Variants in CTNND2 observed in about 807,000 individuals in gnomAD.
CTNND2 encodes catenin delta 2, also known as catenin delta-2.
A neutral mutation model predicts 144.4 loss-of-function variants in CTNND2; 22 were observed. The ratio of observed to expected loss-of-function variants is 0.15; its 90% CI spans 0.11 to 0.22. The LOEUF (loss-of-function observed/expected upper bound fraction) is 0.22. Ranked by LOEUF, CTNND2 falls within the 10% of genes least tolerant of loss-of-function variation. The probability of loss-of-function intolerance (pLI) is 1.00; values close to 1 mark genes in which losing one functional copy is unlikely to be tolerated. For missense variants in CTNND2, 1,353 were observed against 1,618.8 expected, an observed-to-expected ratio of 0.84 and a Z score of 2.82; for synonymous variants, 751 against 695.6, an observed-to-expected ratio of 1.08 and a Z score of -1.25.
In CTNND2 at chr5:11,311,573, C is replaced by T. The variant is rs73055794; in HGVS notation, c.1628+34799G>A. ...CCCACAGGCACTCACACTCCCCATG[C>T]ACCCTCAACCCACACATACATACTC... On this transcript the variant is annotated intron_variant, in intron 9 of 21. Coordinates refer to ENST00000304623, the MANE Select transcript of CTNND2 (RefSeq NM_001332.4). Among the ~76,000 whole-genome samples, 647 of 147,846 alleles carry T rather than the reference C, an allele frequency of 4.4e-3. 4 individuals carry two copies. The highest frequency in any genetic ancestry group is 0.016 in the African/African-American group (621 of 39,928).
intron 1 of CTNND2, among the ~76,000 whole-genome samples, chr5:11,884,919 A>T (rs1277980166): frequency 6.9e-6 from 1 of 144,204 alleles, no homozygotes; most frequent in African/African-American, 2.4e-5. Flanking sequence ...TGAGATAATC[A>T]TATAGTGTTT....
At position 11,904,224 on chromosome 5, in the gene CTNND2, G is replaced by C. The variant is rs1472133112; in HGVS notation, c.-371C>G. ...GCTCCGCTCAGCCGGCTGTCGCCGCGGGCGCGAGCCTGGGGCCGCCGCGGC... is the reference window on the plus strand; with the variant it reads ...GCTCCGCTCAGCCGGCTGTCGCCGCCGGCGCGAGCCTGGGGCCGCCGCGGC... On this transcript the variant is annotated 5_prime_UTR_variant, in exon 1 of 22. Coordinates refer to ENST00000304623, the MANE Select transcript of CTNND2 (RefSeq NM_001332.4). This position sits in a 1 kb window ranked among gnomAD's most constrained non-coding sequence, Gnocchi z 4.2. Among the ~76,000 whole-genome samples the C allele has an allele frequency of 1.4e-5, 2 of 145,030 alleles. No individual in the cohort carries two copies. The highest frequency in any genetic ancestry group is 3.1e-5 in the Non-Finnish European group (2 of 65,410).
intron 9 of CTNND2, among the ~76,000 whole-genome samples, chr5:11,322,593 T>C (rs1752143416): frequency 6.6e-6 from 1 of 152,210 alleles, no homozygotes; most frequent in Non-Finnish European, 1.5e-5. Context: ...TGTTCTATAA[T>C]ATATATTTTG....
chr5:11,290,421 T>C (rs1269192159), intron 9 of CTNND2, among the ~76,000 whole-genome samples: 1 of 152,220 alleles, frequency 6.6e-6, no homozygotes, highest in Admixed American at 6.5e-5. Context: ...GTGCATTTTG[T>C]ACCCACTTTC....
chr5:11,262,820 T>TTG (rs1745047335), intron 9 of CTNND2, among the ~76,000 whole-genome samples: 1 of 146,754 alleles, frequency 6.8e-6, no homozygotes, highest in Admixed American at 6.8e-5. Flanking sequence ...TTTGTTGAAA[T>TTG]TGTGTTCTTT....
intron 2 of CTNND2, among the ~76,000 whole-genome samples, chr5:11,594,359 G>C (rs1327445569): frequency 6.6e-6 from 1 of 152,094 alleles, no homozygotes; most frequent in African/African-American, 2.4e-5. Flanking sequence ...AAATTTTTCT[G>C]TATGTATATT....
intron 9 of CTNND2, among the ~76,000 whole-genome samples, chr5:11,343,072 T>C (rs1754429652): frequency 1.3e-5 from 2 of 152,326 alleles, no homozygotes; most frequent in South Asian, 4.1e-4. Flanking sequence ...GACATTTCTG[T>C]GGGTTTTCTG....
chr5:11,417,345 A>G (rs1360366622), intron 3 of CTNND2, among the ~76,000 whole-genome samples: 1 of 152,188 alleles, frequency 6.6e-6, no homozygotes, highest in African/African-American at 2.4e-5. Flanking sequence ...TATGTGACTA[A>G]AAAACTCCTA....
chr5:11,310,109 T>C (rs1036566169), intron 9 of CTNND2, among the ~76,000 whole-genome samples: 10 of 152,168 alleles, frequency 6.6e-5, no homozygotes, highest in Admixed American at 2.0e-4. Context: ...TGGACTAATA[T>C]ACTATCTACA....
rs1758859634 is a variant in CTNND2, at chr5:11,384,677, C to T, written c.1165G>A (p.Gly389Ser). The T allele has an allele frequency of 1.9e-6, 3 of 1,602,962 alleles. No homozygotes were observed. The highest frequency in any genetic ancestry group is 1.3e-5 in the African/African-American group (1 of 74,724). ...LYATATLQRP[G>S]SLAAGSRASY... ...AGCGAGCCTTTACCTGCCAGGCTGC[C>T]CGGCCTCTGGAGGGTGGCCGTGGCA... The change falls in exon 7 of 22, where the codon GGC becomes AGC. Residue 389 changes from glycine (G) to serine (S), a missense_variant. Physicochemically the swap from Gly to Ser is moderately conservative, Grantham distance 56. Transcript: ENST00000304623. This position sits in a 1 kb window ranked among gnomAD's most constrained non-coding sequence, Gnocchi z 5.2.
intron 3 of CTNND2, among the ~76,000 whole-genome samples, chr5:11,545,263 A>G (rs536247150): frequency 3.6e-4 from 54 of 152,034 alleles, no homozygotes; most frequent in African/African-American, 1.3e-3. Context: ...CGGAGGTTGA[A>G]GTGACCTGAG....
intron 14 of CTNND2, among the ~76,000 whole-genome samples, chr5:11,109,812 ATTATC>A (rs1752775634): frequency 1.3e-5 from 2 of 151,738 alleles, no homozygotes; most frequent in African/African-American, 2.4e-5. Context: ...GGAATCAATC[ATTATC>A]TTCTCTTGGA....
At chr5:11,385,814 A>C (rs956812499) in intron 6 of CTNND2, 1 of 152,142 alleles carries the variant, frequency 6.6e-6, no homozygotes, top group African/African-American at 2.4e-5. Flanking sequence ...TGAAAAGTTA[A>C]ACGGAGGGAA....
intron 2 of CTNND2, among the ~76,000 whole-genome samples, chr5:11,600,883 T>C (rs1413586686): frequency 6.6e-6 from 1 of 151,866 alleles, no homozygotes; most frequent in Admixed American, 6.6e-5. Flanking sequence ...AAGGTACCAG[T>C]AGACATTGTG....
At chr5:11,024,884 T>A (rs1213529789) in intron 16 of CTNND2, among the ~76,000 whole-genome samples, 2 of 152,206 alleles carry the variant, frequency 1.3e-5, no homozygotes, top group Non-Finnish European at 2.9e-5. Flanking sequence ...TTATAGATAA[T>A]AAGTAGATGG....
At chr5:11,237,271 G>A (rs1195640094) in intron 9 of CTNND2, among the ~76,000 whole-genome samples, 2 of 151,746 alleles carry the variant, frequency 1.3e-5, no homozygotes, top group East Asian at 1.9e-4. Flanking sequence ...CGCCCACCTC[G>A]GCCTCCCAAA....
intron 12 of CTNND2, among the ~76,000 whole-genome samples, chr5:11,129,307 T>TATAAATATATATA (rs1181916324): frequency 0.12 from 11,541 of 96,676 alleles, 1,637 homozygotes; most frequent in East Asian, 0.39. Context: ...ATATATTATA[T>TATAAATATATATA]ATATAAATAT....
intron 1 of CTNND2, among the ~76,000 whole-genome samples, chr5:11,771,578 A>G (rs1383960594): frequency 6.6e-6 from 1 of 152,176 alleles, no homozygotes. Flanking sequence ...AAATTCTACA[A>G]TGTTGCTTTA....
intron 1 of CTNND2, among the ~76,000 whole-genome samples, chr5:11,758,802 T>A (rs1789095030): frequency 6.6e-6 from 1 of 152,074 alleles, no homozygotes; most frequent in African/African-American, 2.4e-5. Flanking sequence ...AATTAAATTA[T>A]TCTATGTTTA....
Sources: allele counts gnomAD v4.1 joint callset (sites outside exome capture counted in the v4.1 genomes callset), GRCh38; gene constraint gnomAD v4.1.1; non-coding constraint Gnocchi (gnomAD v3.1); transcripts MANE v1.5; gene names NCBI Gene and HGNC (gene_info 2026-07-23, HGNC 2026-07-21).